GRIA4: variants seen among roughly 807,000 people sequenced by gnomAD.
The protein encoded by GRIA4 is glutamate ionotropic receptor AMPA type subunit 4, also known as glutamate receptor 4.
In GRIA4, 34 loss-of-function variants were observed where a neutral mutation model predicts 104.0. That is an observed-to-expected ratio of 0.33 (90% confidence interval 0.25 to 0.44). GRIA4 has a LOEUF of 0.44. GRIA4 is among the 20% of genes least tolerant of loss of function. The pLI is 1.00. For missense variants in GRIA4, 750 were observed against 1,096.5 expected (o/e 0.68, Z 4.46); for synonymous variants, 386 against 381.9 (o/e 1.01, Z -0.13).
chr11:105,904,185 T>A (rs559350950), intron 8 of GRIA4, among the ~76,000 whole-genome samples: 2 of 152,324 alleles, frequency 1.3e-5, no homozygotes, highest in East Asian at 1.9e-4. Flanking sequence ...ATAATCAGGA[T>A]AAGCTAGGTT....
intron 14 of GRIA4, among the ~76,000 whole-genome samples, chr11:105,938,727 C>T (rs1948113446): frequency 6.6e-6 from 1 of 152,116 alleles, no homozygotes. Flanking sequence ...TAAATCTTTT[C>T]TGAGATATGC....
At chr11:105,958,274 G>C (rs1028576039) in intron 14 of GRIA4, among the ~76,000 whole-genome samples, 1 of 152,112 alleles carries the variant, frequency 6.6e-6, no homozygotes, top group African/African-American at 2.4e-5. Context: ...TTATTATTTT[G>C]AGATACGTCC....
chr11:105,822,257 A>G (rs149369340), intron 4 of GRIA4, among the ~76,000 whole-genome samples: 152 of 152,242 alleles, frequency 1.0e-3, no homozygotes, highest in African/African-American at 3.4e-3. Flanking sequence ...GTGCTGCCCA[A>G]TGCCTACCCC....
intron 4 of GRIA4, among the ~76,000 whole-genome samples, chr11:105,832,204 C>T (rs560071454): frequency 3.9e-5 from 6 of 152,060 alleles, no homozygotes; most frequent in East Asian, 3.9e-4. Flanking sequence ...CAGAAAGCCA[C>T]AGCAACTTGA....
At chr11:105,773,925 A>G (rs1367419692) in intron 4 of GRIA4, among the ~76,000 whole-genome samples, 1 of 151,808 alleles carries the variant, frequency 6.6e-6, no homozygotes, top group Non-Finnish European at 1.5e-5. Context: ...AATAAGTAAT[A>G]AAAATATCAT....
At chr11:105,818,894 T>C (rs1306398639) in intron 4 of GRIA4, among the ~76,000 whole-genome samples, 1 of 152,186 alleles carries the variant, frequency 6.6e-6, no homozygotes, top group Non-Finnish European at 1.5e-5. Flanking sequence ...ACTTAACTAA[T>C]CCCTTGTTTT....
chr11:105,659,229 G>T (rs1336065904), intron 3 of GRIA4, among the ~76,000 whole-genome samples: 1 of 151,864 alleles, frequency 6.6e-6, no homozygotes, highest in South Asian at 2.1e-4. Context: ...TATTGGCAGA[G>T]CATGGCTGTC....
At chr11:105,923,392 A>T (rs1382704753) in intron 11 of GRIA4, among the ~76,000 whole-genome samples, 1 of 152,156 alleles carries the variant, frequency 6.6e-6, no homozygotes, top group Non-Finnish European at 1.5e-5. Context: ...CTCAAATCCC[A>T]GAGCTGCCAT....
At chr11:105,798,470 G>A (rs1428343222) in intron 4 of GRIA4, among the ~76,000 whole-genome samples, 1 of 152,024 alleles carries the variant, frequency 6.6e-6, no homozygotes, top group African/African-American at 2.4e-5. Flanking sequence ...GAGGAGAAAA[G>A]GATCTCAGGC....
In GRIA4 at chr11:105,753,177, C is replaced by T. The variant is rs377235100; in HGVS notation, c.444C>T (p.His148=). The change falls in exon 4 of 17, where the codon CAC becomes CAT. Residue 148 remains histidine (H), a synonymous_variant. Transcript: ENST00000282499. ...GAGCACTCTTGAGTTTGCTGGATCA[C>T]TACGAATGGAACTGTTTTGTCTTCC... ...LRGALLSLLD[H]YEWNCFVFLY... 4.7e-5 allele frequency: 76 copies of T among 1,613,494 alleles called. No individual in the cohort carries two copies. Among genetic ancestry groups the T allele is most frequent in the Middle Eastern group, 3.3e-4 (2 of 6,082 alleles).
chr11:105,701,538 A>G (rs1953492029), intron 3 of GRIA4, among the ~76,000 whole-genome samples: 1 of 152,066 alleles, frequency 6.6e-6, no homozygotes, highest in Non-Finnish European at 1.5e-5. Flanking sequence ...CAAGAATGCA[A>G]TTCCATTATA....
Position 105,612,286 on chromosome 11 carries a change from C to T in GRIA4, c.99C>T (p.Phe33=), listed in dbSNP as rs571086344. Residue 33 remains phenylalanine (F), a synonymous_variant, in exon 3 of 17, where the codon TTC becomes TTT. Transcript: ENST00000282499. Reference sequence around the variant, plus strand: ...TGCTGTTTTTAATAGGTGGTCTCTTCATCCGAAACACAGATCAGGAATACA... The same window carrying T: ...TGCTGTTTTTAATAGGTGGTCTCTTTATCCGAAACACAGATCAGGAATACA... ...FPSSVQIGGL[F]IRNTDQEYTA... is the part of the protein sequence containing the mutation. 2 of 1,614,004 alleles carry T rather than the reference C, an allele frequency of 1.2e-6. No individual in the cohort carries two copies. The highest frequency in any genetic ancestry group is 2.2e-5 in the South Asian group (2 of 91,068).
chr11:105,641,227 A>C (rs1450028941), intron 3 of GRIA4, among the ~76,000 whole-genome samples: 1 of 152,164 alleles, frequency 6.6e-6, no homozygotes, highest in Non-Finnish European at 1.5e-5. Flanking sequence ...GTTAAATAAA[A>C]TTCTGAAATT....
At chr11:105,778,652 C>G (rs1213025913) in intron 4 of GRIA4, among the ~76,000 whole-genome samples, 1 of 152,168 alleles carries the variant, frequency 6.6e-6, no homozygotes, top group African/African-American at 2.4e-5. Context: ...TTGCAGTGAG[C>G]TGAGATCAGG....
chr11:105,689,781 T>C (rs1259125835), intron 3 of GRIA4, among the ~76,000 whole-genome samples: 1 of 152,214 alleles, frequency 6.6e-6, no homozygotes, highest in Non-Finnish European at 1.5e-5. Context: ...GCAAGGCATG[T>C]AATACAATGC....
At chr11:105,756,171 A>G (rs1437829033) in intron 4 of GRIA4, among the ~76,000 whole-genome samples, 2 of 152,236 alleles carry the variant, frequency 1.3e-5, no homozygotes, top group Non-Finnish European at 2.9e-5. Flanking sequence ...GACAAAGCAG[A>G]TATCTCCAAG....
chr11:105,776,377 T>C (rs937198364), intron 4 of GRIA4, among the ~76,000 whole-genome samples: 3 of 152,176 alleles, frequency 2.0e-5, no homozygotes, highest in African/African-American at 7.2e-5. Flanking sequence ...TCAAAAAAAT[T>C]ATATGAATAT....
intron 7 of GRIA4, among the ~76,000 whole-genome samples, chr11:105,900,315 C>G (rs1946807903): frequency 6.6e-6 from 1 of 152,120 alleles, no homozygotes; most frequent in Admixed American, 6.5e-5. Flanking sequence ...TGTCACTTCC[C>G]TGCTTTAAAA....
chr11:105,906,593 C>T (rs1186951356), intron 9 of GRIA4, among the ~76,000 whole-genome samples: 1 of 152,148 alleles, frequency 6.6e-6, no homozygotes, highest in Non-Finnish European at 1.5e-5. Context: ...TTGGAGCTGC[C>T]GTGAAAACCA....
Sources: allele counts gnomAD v4.1 joint callset (sites outside exome capture counted in the v4.1 genomes callset), GRCh38; gene constraint gnomAD v4.1.1; transcripts MANE v1.5; gene names NCBI Gene and HGNC (gene_info 2026-07-23, HGNC 2026-07-21).